Variants in SCARA3 observed in about 807,000 individuals in gnomAD.
SCARA3 encodes the protein scavenger receptor class A member 3, also known as cellular stress response gene protein.
A neutral mutation model predicts 47.0 loss-of-function variants in SCARA3; 39 were observed. The ratio of observed to expected loss-of-function variants is 0.83; its 90% confidence interval spans 0.64 to 1.08. The LOEUF (loss-of-function observed/expected upper bound fraction) is 1.08, where lower values mean the gene tolerates loss of function less well. Ranked by LOEUF, SCARA3 falls within the 50% of genes least tolerant of loss-of-function variation. SCARA3 has a pLI of 0.00. For synonymous variants in SCARA3, 356 were observed against 334.1 expected, an observed-to-expected ratio of 1.07 and a Z score of -0.71; for missense variants, 724 against 792.3, an observed-to-expected ratio of 0.91 and a Z score of 1.04.
At chr8:27,696,611 G>A in the SCARA3 span, among the ~76,000 whole-genome samples, 149 of 117,354 alleles carry the variant, frequency 1.3e-3, no homozygotes, top group African/African-American at 4.0e-3. Flanking sequence ...CAACACACCT[G>A]GCTAATTTTT....
chr8:27,655,958 T>A lies in SCARA3; in HGVS notation c.227-824T>A, dbSNP rs547997895. On this transcript the variant is annotated intron_variant, in intron 3 of 5. Transcript: ENST00000301904. ...CTAAGAAAGTACAGTAGTCCCCGTT[T>A]ATCCGCAGTTTCAGTTACCCTAGGT... 3.3e-5 allele frequency among the ~76,000 whole-genome samples: 5 copies of A among 152,342 alleles called. No homozygotes were observed. The South Asian group carries it at 1.0e-3, about 32-fold the overall frequency.
chr8:27,663,520 C>G (rs957385699), intron 5 of SCARA3, among the ~76,000 whole-genome samples: 1 of 152,220 alleles, frequency 6.6e-6, no homozygotes, highest in East Asian at 1.9e-4. Context: ...TTGCTCTGCA[C>G]ACGCAACTTT....
At chr8:27,651,802 G>A (rs1344279769) in intron 3 of SCARA3, among the ~76,000 whole-genome samples, 175 bp downstream of exon 3, 1 of 152,216 alleles carries the variant, frequency 6.6e-6, no homozygotes, top group Non-Finnish European at 1.5e-5. Context: ...ACTGGCAACT[G>A]ACAAGATCTG....
the SCARA3 span, among the ~76,000 whole-genome samples, chr8:27,720,378 T>C: frequency 6.6e-6 from 1 of 152,036 alleles, no homozygotes; most frequent in Non-Finnish European, 1.5e-5. Context: ...AAATTAGAGA[T>C]TGGTCTGGGA....
At chr8:27,635,872 T>G (rs578306) in intron 1 of SCARA3, among the ~76,000 whole-genome samples, 30,198 of 152,100 alleles carry the variant, frequency 0.2, 3,368 homozygotes, top group Middle Eastern at 0.33. Flanking sequence ...AGAAGTGAGT[T>G]GTTACAAATC....
chr8:27,676,569 G>A (rs1232436178), downstream of SCARA3: 5 of 1,606,000 alleles, frequency 3.1e-6, no homozygotes, highest in Non-Finnish European at 2.6e-6. Flanking sequence ...TCTATTCTAG[G>A]TCACACTTTG....
At chr8:27,714,192 C>CTTTTTTTT in the SCARA3 span, among the ~76,000 whole-genome samples, 5 of 114,342 alleles carry the variant, frequency 4.4e-5, no homozygotes, top group African/African-American at 1.5e-4. Context: ...CTCAGGTATT[C>CTTTTTTTT]CTTTTTTTTT....
At chr8:27,653,518 A>T (rs1022730637) in intron 3 of SCARA3, among the ~76,000 whole-genome samples, 2 of 151,990 alleles carry the variant, frequency 1.3e-5, no homozygotes, top group African/African-American at 4.8e-5. Context: ...CTTGGCCTAA[A>T]TGGCAGGTGC....
intron 1 of SCARA3, among the ~76,000 whole-genome samples, chr8:27,642,612 C>T (rs1801406738): frequency 6.6e-6 from 1 of 152,108 alleles, no homozygotes; most frequent in Non-Finnish European, 1.5e-5. Flanking sequence ...CACTTCAGGC[C>T]AGGAATTTGA....
intron 4 of SCARA3, among the ~76,000 whole-genome samples, chr8:27,657,416 T>C (rs534570763): frequency 2.0e-5 from 3 of 149,110 alleles, no homozygotes; most frequent in South Asian, 4.4e-4. Flanking sequence ...AATGATCCTG[T>C]CACCCAGGTA....
the SCARA3 span, among the ~76,000 whole-genome samples, chr8:27,693,023 G>T: frequency 1.4e-4 from 21 of 151,784 alleles, no homozygotes; most frequent in Non-Finnish European, 2.4e-4. Flanking sequence ...CAAGTTGGGA[G>T]GCTGAGGCAG....
chr8:27,658,729 C>T lies in SCARA3; in HGVS notation c.559C>T (p.Leu187Phe). The change falls in exon 5 of 6, where the codon CTC (leucine) becomes TTC (phenylalanine). Residue 187 changes from leucine (L) to phenylalanine (F), a missense_variant. Coordinates refer to ENST00000301904, the MANE Select transcript of SCARA3 (RefSeq NM_016240.3). ...CCACCAGGTTAACCAGTCTCTGGGG[C>T]TCTTCCTGGCCCAGGTGAGAGGCTG... ...SIHQVNQSLG[L>F]FLAQVRGWQA... The T allele has an allele frequency of 5.6e-6, 9 of 1,614,138 alleles. No homozygotes were observed. Among genetic ancestry groups the T allele is most frequent in the Non-Finnish European group, 6.8e-6 (8 of 1,179,994 alleles).
Position 27,671,541 on chromosome 8 carries a change from C to T in SCARA3, c.*190C>T, listed in dbSNP as rs1563414912. On this transcript the variant is annotated 3_prime_UTR_variant, in exon 6 of 6. Coordinates refer to ENST00000301904, the MANE Select transcript of SCARA3 (RefSeq NM_016240.3). ...CATAGGAAAGCAGCCCCTCCTCACA[C>T]ATACATGTGCACATGCACACACATG... 3 of 1,290,544 alleles carry T rather than the reference C, an allele frequency of 2.3e-6. No homozygotes were observed. The highest frequency in any genetic ancestry group is 6.0e-5 in the South Asian group (2 of 33,588). 79.9% of individuals were successfully genotyped at this position (1,290,544 alleles called of 1,614,324 possible).
the SCARA3 span, among the ~76,000 whole-genome samples, chr8:27,722,811 C>T: frequency 6.6e-6 from 1 of 152,176 alleles, no homozygotes; most frequent in Admixed American, 6.5e-5. Context: ...CTGTTACCCA[C>T]CATTGACACT....
At chr8:27,665,857 T>C (rs925724820) in intron 5 of SCARA3, among the ~76,000 whole-genome samples, 1 of 152,226 alleles carries the variant, frequency 6.6e-6, no homozygotes, top group African/African-American at 2.4e-5. Context: ...AGGCTCCTTG[T>C]GTTACTCATC....
intron 5 of SCARA3, among the ~76,000 whole-genome samples, chr8:27,662,681 G>C (rs1009847005): frequency 1.3e-5 from 2 of 152,240 alleles, no homozygotes; most frequent in Non-Finnish European, 2.9e-5. Flanking sequence ...GATTACCCTG[G>C]GGGATGGTGC....
intron 4 of SCARA3, among the ~76,000 whole-genome samples, chr8:27,657,992 GA>G (rs1490583716): frequency 1.3e-5 from 2 of 152,192 alleles, no homozygotes; most frequent in African/African-American, 2.4e-5. Context: ...GAATGAGACA[GA>G]AGGAGCAATG....
the SCARA3 span, among the ~76,000 whole-genome samples, chr8:27,730,526 C>T: frequency 0.011 from 1,678 of 149,012 alleles, 57 homozygotes; most frequent in Admixed American, 0.069. Flanking sequence ...CACTCAGGCT[C>T]AGGCTGGAGT....
rs759460526 is a variant in SCARA3 at position 27,658,612 on chromosome 8, G to A, written c.442G>A (p.Val148Met). ...GIQKLLLAQE[V>M]QLDQTLQAQE... ...TCAGAAGCTGCTTCTGGCCCAGGAGGTGCAGCTGGACCAGACCTTACAGGC... is the reference window on the plus strand; with the variant it reads ...TCAGAAGCTGCTTCTGGCCCAGGAGATGCAGCTGGACCAGACCTTACAGGC... Residue 148 changes from valine to methionine, a missense_variant, in exon 5 of 6, where the codon GTG becomes ATG. Coordinates refer to ENST00000301904, the MANE Select transcript of SCARA3 (RefSeq NM_016240.3). 2.5e-6 allele frequency: 4 copies of A among 1,614,118 alleles called. No individual in the cohort carries two copies. Among genetic ancestry groups the A allele is most frequent in the Non-Finnish European group, 3.4e-6 (4 of 1,180,000 alleles).
Sources: gnomAD v4.1 joint callset for allele counts (sites outside exome capture counted in the v4.1 genomes callset) on GRCh38, gnomAD v4.1.1 for gene constraint, MANE v1.5 for transcripts, NCBI Gene and HGNC (gene_info 2026-07-23, HGNC 2026-07-21) for gene names.